Variants in CLASP1 observed in about 807,000 individuals in gnomAD.
The protein encoded by CLASP1 is CLIP-associating protein 1.
CLASP1 carries 38 observed loss-of-function variants against 192.3 expected under a neutral mutation model. The observed-to-expected ratio is 0.20, with a 90% CI of 0.15 to 0.26. The LOEUF (loss-of-function observed/expected upper bound fraction) is 0.26, where lower values mean the gene tolerates loss of function less well. CLASP1 is among the 10% of genes least tolerant of loss of function. The pLI is 1.00. For missense variants in CLASP1, 1,433 were observed against 1,932.5 expected (o/e 0.74, Z 4.85); for synonymous variants, 691 against 712.8 (o/e 0.97, Z 0.49).
intron 8 of CLASP1, chr2:121,470,167 A>G: frequency 1.6e-6 from 1 of 640,914 alleles, no homozygotes; most frequent in Non-Finnish European, 2.8e-6. Flanking sequence ...GCTTTCACAT[A>G]CCCAGAATAC....
intron 33 of CLASP1, among the ~76,000 whole-genome samples, chr2:121,380,531 C>T (rs915234388): frequency 6.6e-6 from 1 of 152,118 alleles, no homozygotes; most frequent in East Asian, 1.9e-4. Flanking sequence ...TGGGCTTGCC[C>T]GCTAAAGGAT....
chr2:121,391,331 C>G (rs759725603), intron 30 of CLASP1, among the ~76,000 whole-genome samples: 4 of 152,106 alleles, frequency 2.6e-5, no homozygotes, highest in Non-Finnish European at 5.9e-5. Context: ...CTCACCTACT[C>G]GACTACGCTG....
At chr2:121,462,456 T>C (rs114715944) in intron 10 of CLASP1, 76 bp downstream of exon 10, 34,761 of 814,984 alleles carry the variant, frequency 0.043, 925 homozygotes, top group South Asian at 0.059. Flanking sequence ...CAACATTACA[T>C]AGGCAGAATT....
chr2:121,384,069 C>CACACATATATGTATATAT (rs1558972792), intron 32 of CLASP1, among the ~76,000 whole-genome samples: 4 of 121,022 alleles, frequency 3.3e-5, no homozygotes, highest in African/African-American at 1.6e-4. Context: ...TGTATATATA[C>CACACATATATGTATATAT]ACACACACAT....
chr2:121,431,544 G>C (rs1458881681), intron 19 of CLASP1, among the ~76,000 whole-genome samples: 14 of 151,936 alleles, frequency 9.2e-5, no homozygotes, highest in Non-Finnish European at 1.8e-4. Flanking sequence ...AATCACAAAG[G>C]CAAAGTGAAC....
intron 2 of CLASP1, among the ~76,000 whole-genome samples, chr2:121,569,075 C>T (rs2059759355): frequency 6.6e-6 from 1 of 152,134 alleles, no homozygotes; most frequent in Non-Finnish European, 1.5e-5. Context: ...GAGTGGCCAC[C>T]ATGTCCCAAG....
At chr2:121,586,748 A>G (rs990507581) in intron 2 of CLASP1, among the ~76,000 whole-genome samples, 11 of 152,056 alleles carry the variant, frequency 7.2e-5, no homozygotes, top group African/African-American at 2.7e-4. Context: ...CTCCTCCTTC[A>G]TTGTATATGA....
chr2:121,586,431 T>C (rs2061722657), intron 2 of CLASP1, among the ~76,000 whole-genome samples: 1 of 152,172 alleles, frequency 6.6e-6, no homozygotes, highest in Admixed American at 6.5e-5. Flanking sequence ...CTAGCCCCTG[T>C]TCTTTAAAAA....
At chr2:121,420,603 G>A (rs2079315133) in intron 22 of CLASP1, among the ~76,000 whole-genome samples, 1 of 152,186 alleles carries the variant, frequency 6.6e-6, no homozygotes, top group Admixed American at 6.5e-5. Context: ...GTGAGATAAT[G>A]CACATACATA....
chr2:121,523,539 A>G (rs1387645971), intron 6 of CLASP1, among the ~76,000 whole-genome samples: 7 of 152,232 alleles, frequency 4.6e-5, no homozygotes, highest in Non-Finnish European at 7.3e-5. Flanking sequence ...ACCTGTGAAG[A>G]GTAGGGCATT....
At chr2:121,565,622 G>A (rs146708463) in intron 2 of CLASP1, among the ~76,000 whole-genome samples, 2 of 152,284 alleles carry the variant, frequency 1.3e-5, no homozygotes, top group African/African-American at 2.4e-5. Flanking sequence ...GCAGGGACAG[G>A]CTGTCAGAGC....
chr2:121,451,128 G>A (rs2149798985), intron 15 of CLASP1, 138 bp from the exon 16 acceptor site: 2 of 627,654 alleles, frequency 3.2e-6, no homozygotes, highest in East Asian at 5.4e-5. Context: ...TTCCCACGTG[G>A]CTGGGCAAAG....
rs756093299 is a variant in CLASP1, at chr2:121,605,886, G to A, written c.10C>T (p.Arg4Cys). The A allele has an allele frequency of 5.6e-6, 9 of 1,613,690 alleles. No individual in the cohort carries two copies. Among genetic ancestry groups the A allele is most frequent in the African/African-American group, 2.7e-5 (2 of 74,892 alleles). ...ACCTGCGCCAGGCAGGACTCCATGC[G>A]AGGCTCCATAGTGGAATTCAAATCC... Residue 4 changes from arginine (R) to cysteine (C), a missense_variant, in exon 2 of 40, where the codon CGC (arginine) becomes TGC (cysteine). Arg to Cys is a radical substitution (Grantham distance 180). Transcript: ENST00000263710.
chr2:121,628,906 T>C (rs1178609281), intron 1 of CLASP1, among the ~76,000 whole-genome samples: 1 of 148,344 alleles, frequency 6.7e-6, no homozygotes, highest in African/African-American at 2.5e-5. Context: ...AAAAAAAGTA[T>C]ACCAAACTGA....
At chr2:121,616,895 A>G (rs1369512991) in intron 1 of CLASP1, among the ~76,000 whole-genome samples, 2 of 152,260 alleles carry the variant, frequency 1.3e-5, no homozygotes, top group Non-Finnish European at 2.9e-5. Context: ...AGACTTCATC[A>G]AGGCCTTCAA....
intron 30 of CLASP1, among the ~76,000 whole-genome samples, chr2:121,388,481 G>C (rs970757043): frequency 6.6e-6 from 1 of 152,182 alleles, no homozygotes; most frequent in African/African-American, 2.4e-5. Flanking sequence ...TTAAAAACAT[G>C]CTCTTCTGCC....
intron 6 of CLASP1, 37 bp downstream of exon 6, chr2:121,525,808 G>T: frequency 6.8e-7 from 1 of 1,468,346 alleles, no homozygotes; most frequent in Non-Finnish European, 9.5e-7. Context: ...CAGTCTGTAA[G>T]CAATGACTTC....
At chr2:121,442,716 G>A (rs1048383742) in intron 19 of CLASP1, among the ~76,000 whole-genome samples, 5 of 152,122 alleles carry the variant, frequency 3.3e-5, no homozygotes, top group Admixed American at 6.5e-5. Context: ...CTGACCTCAG[G>A]TGATTCACCT....
At chr2:121,369,572 AC>A (rs1453809181) in intron 34 of CLASP1, among the ~76,000 whole-genome samples, 2 of 152,192 alleles carry the variant, frequency 1.3e-5, no homozygotes, top group Non-Finnish European at 2.9e-5. Context: ...AATTCTAATC[AC>A]TGTTAACAAC....
Sources: allele counts gnomAD v4.1 joint callset (sites outside exome capture counted in the v4.1 genomes callset), GRCh38; gene constraint gnomAD v4.1.1; transcripts MANE v1.5; gene names NCBI Gene and HGNC (gene_info 2026-07-23, HGNC 2026-07-21).